The following TENM3 variants were observed in gnomAD, a reference collection of about 807,000 sequenced individuals.
TENM3 encodes teneurin transmembrane protein 3.
In TENM3, 63 loss-of-function variants were observed where a neutral mutation model predicts 255.1. That is an observed-to-expected ratio of 0.25 (90% CI 0.20 to 0.30). The LOEUF (loss-of-function observed/expected upper bound fraction) is 0.30. Among genes scored for constraint, TENM3 ranks in the 10% least tolerant of loss-of-function variants. TENM3 has a pLI of 1.00. For missense variants in TENM3, 2,929 were observed against 3,461.1 expected, an observed-to-expected ratio of 0.85 and a Z score of 3.86; for synonymous variants, 1,306 against 1,322.3, an observed-to-expected ratio of 0.99 and a Z score of 0.27.
At chr4:181,969,366 T>C in the TENM3 span, among the ~76,000 whole-genome samples, 14 of 152,242 alleles carry the variant, frequency 9.2e-5, no homozygotes, top group Non-Finnish European at 7.3e-5. Flanking sequence ...TTTTTCTATG[T>C]TGCGACATCA....
the TENM3 span, among the ~76,000 whole-genome samples, chr4:181,481,229 A>G: frequency 2.0e-5 from 3 of 152,084 alleles, no homozygotes; most frequent in Non-Finnish European, 4.4e-5. Flanking sequence ...CATTCACAGA[A>G]TACACAAATG....
intron 3 of TENM3, among the ~76,000 whole-genome samples, chr4:182,368,626 A>C (rs1364774117): frequency 6.6e-6 from 1 of 152,168 alleles, no homozygotes; most frequent in Non-Finnish European, 1.5e-5. Context: ...GTAGCCTTAA[A>C]ATGTTGTCAT....
the TENM3 span, among the ~76,000 whole-genome samples, chr4:181,921,519 G>T: frequency 6.6e-6 from 1 of 152,154 alleles, no homozygotes; most frequent in Non-Finnish European, 1.5e-5. Context: ...GTTCCCTCAT[G>T]ATTTGGCTCT....
intron 3 of TENM3, among the ~76,000 whole-genome samples, chr4:182,481,893 G>C (rs1053334127): frequency 1.3e-5 from 2 of 152,132 alleles, no homozygotes; most frequent in Non-Finnish European, 2.9e-5. Context: ...CAAAATTTAA[G>C]AAGTGATATT....
chr4:182,299,847 G>C (rs140287012), intron 1 of TENM3, among the ~76,000 whole-genome samples: 484 of 152,078 alleles, frequency 3.2e-3, no homozygotes, highest in African/African-American at 0.011. Context: ...ATTACAGCAC[G>C]AGCAGGGTGA....
intron 6 of TENM3, among the ~76,000 whole-genome samples, chr4:182,660,258 A>G (rs1427911346): frequency 6.6e-6 from 1 of 152,220 alleles, no homozygotes; most frequent in Non-Finnish European, 1.5e-5. Flanking sequence ...CTCACAAAGT[A>G]TCAGTTGAAT....
At chr4:181,928,627 A>G in the TENM3 span, among the ~76,000 whole-genome samples, 1 of 152,112 alleles carries the variant, frequency 6.6e-6, no homozygotes, top group African/African-American at 2.4e-5. Flanking sequence ...ATCCAGGAGA[A>G]CTTCCCCAGC....
chr4:182,012,418 G>A, the TENM3 span, among the ~76,000 whole-genome samples: 1 of 152,138 alleles, frequency 6.6e-6, no homozygotes. Context: ...ATGGAATGTA[G>A]GAATATTACA....
the TENM3 span, among the ~76,000 whole-genome samples, chr4:181,577,233 G>A: frequency 7.2e-6 from 1 of 138,598 alleles, no homozygotes; most frequent in African/African-American, 2.7e-5. Context: ...TAGAGATGGG[G>A]TTTCTCCATG....
chr4:182,158,956 G>A (rs541698538), intron 1 of TENM3, among the ~76,000 whole-genome samples: 1 of 152,326 alleles, frequency 6.6e-6, no homozygotes, highest in South Asian at 2.1e-4. Context: ...CTAGCACACT[G>A]GTTTTCATTA....
chr4:181,573,096 G>A, the TENM3 span, among the ~76,000 whole-genome samples: 1 of 152,100 alleles, frequency 6.6e-6, no homozygotes, highest in Admixed American at 6.5e-5. Flanking sequence ...TGACTGAATA[G>A]TATTCCATTG....
intron 11 of TENM3, among the ~76,000 whole-genome samples, chr4:182,685,121 C>G (rs1423994639): frequency 6.6e-6 from 1 of 152,048 alleles, no homozygotes; most frequent in Non-Finnish European, 1.5e-5. Context: ...TCATATACTA[C>G]TTAGAGACAA....
intron 5 of TENM3, among the ~76,000 whole-genome samples, chr4:182,642,435 A>G (rs1044718580): frequency 1.3e-5 from 2 of 152,228 alleles, no homozygotes; most frequent in African/African-American, 4.8e-5. Context: ...TAGTTCAGAA[A>G]GAAAAAATGC....
At chr4:182,447,154 G>A (rs765644025) in intron 3 of TENM3, among the ~76,000 whole-genome samples, 1 of 152,046 alleles carries the variant, frequency 6.6e-6, no homozygotes, top group African/African-American at 2.4e-5. Context: ...TATCTTCATA[G>A]TGTCCCAATT....
At chr4:181,625,531 T>C in the TENM3 span, among the ~76,000 whole-genome samples, 1 of 152,020 alleles carries the variant, frequency 6.6e-6, no homozygotes, top group Non-Finnish European at 1.5e-5. Flanking sequence ...TATTGTATAC[T>C]GCCGGGCGCA....
intron 1 of TENM3, among the ~76,000 whole-genome samples, chr4:182,291,713 T>C (rs2150326140): frequency 6.6e-6 from 1 of 152,202 alleles, no homozygotes; most frequent in African/African-American, 2.4e-5. Flanking sequence ...CATGCGTCCC[T>C]CCTCATGGTG....
chr4:182,534,404 G>A (rs543335114), intron 3 of TENM3, among the ~76,000 whole-genome samples: 2 of 152,300 alleles, frequency 1.3e-5, no homozygotes, highest in East Asian at 1.9e-4. Flanking sequence ...ATAGTCTCTT[G>A]TTGTTTATTT....
the TENM3 span, among the ~76,000 whole-genome samples, chr4:181,577,176 T>TTATATTA: frequency 7.5e-6 from 1 of 132,676 alleles, no homozygotes; most frequent in Non-Finnish European, 1.6e-5. Flanking sequence ...ATATATTATA[T>TTATATTA]TATATTATAT....
the TENM3 span, among the ~76,000 whole-genome samples, chr4:181,702,094 A>T: frequency 6.6e-6 from 1 of 152,232 alleles, no homozygotes; most frequent in Non-Finnish European, 1.5e-5. Context: ...TGAACAGTGC[A>T]CACTATGGTC....
Sources: allele counts gnomAD v4.1 joint callset (sites outside exome capture counted in the v4.1 genomes callset), GRCh38; gene constraint gnomAD v4.1.1; transcripts MANE v1.5; gene names NCBI Gene and HGNC (gene_info 2026-07-23, HGNC 2026-07-21).